Variants in TRIM37 observed in about 807,000 individuals in gnomAD.
The protein encoded by TRIM37 is E3 ubiquitin-protein ligase TRIM37.
TRIM37 carries 80 observed loss-of-function variants against 129.8 expected under a neutral mutation model. That is an observed-to-expected ratio of 0.62 (90% CI 0.51 to 0.74). The LOEUF is 0.74. TRIM37 is among the 30% of genes least tolerant of loss of function. The pLI is 0.00. For missense variants in TRIM37, 1,054 were observed against 1,176.5 expected (o/e 0.90, Z 1.52); for synonymous variants, 389 against 387.1 (o/e 1.00, Z -0.06).
chr17:59,075,404 A>T (rs1239732417), intron 8 of TRIM37, among the ~76,000 whole-genome samples: 2 of 152,042 alleles, frequency 1.3e-5, no homozygotes, highest in African/African-American at 4.8e-5. Flanking sequence ...TCTACTGAAA[A>T]TACAAAAAAA....
intron 9 of TRIM37, among the ~76,000 whole-genome samples, chr17:59,069,715 C>A (rs1402837409): frequency 5.3e-5 from 8 of 152,114 alleles, no homozygotes; most frequent in Non-Finnish European, 1.0e-4. Context: ...ATGTTAAAGC[C>A]CTAACCCCCA....
rs2046021073 is a variant in TRIM37, at chr17:59,106,544, T to C, written c.-83A>G. Reference sequence around the variant, plus strand: ...TAGGCGCCGGCCCGAGGTCGCCAGATCAAATCGCCGATAAAAGCCCGGCGC... The same window carrying C: ...TAGGCGCCGGCCCGAGGTCGCCAGACCAAATCGCCGATAAAAGCCCGGCGC... On this transcript the variant is annotated 5_prime_UTR_variant, in exon 1 of 24. Coordinates refer to ENST00000262294, the MANE Select transcript of TRIM37 (RefSeq NM_015294.6). The C allele has an allele frequency of 6.4e-7, 1 of 1,560,726 alleles. No individual in the cohort carries two copies. The highest frequency in any genetic ancestry group is 8.8e-7 in the Non-Finnish European group (1 of 1,141,022).
At chr17:59,094,453 T>C (rs2044674393) in intron 2 of TRIM37, among the ~76,000 whole-genome samples, 1 of 152,234 alleles carries the variant, frequency 6.6e-6, no homozygotes, top group East Asian at 1.9e-4. Flanking sequence ...GATCTGTGTC[T>C]GATTCCCAGC....
At chr17:59,074,170 T>C (rs1018159087) in intron 8 of TRIM37, among the ~76,000 whole-genome samples, 3 of 152,264 alleles carry the variant, frequency 2.0e-5, no homozygotes, top group Admixed American at 2.0e-4. Flanking sequence ...ATGATGTCAT[T>C]AGACATCACT....
At chr17:58,991,036 G>T (rs912718407) in intron 24 of TRIM37, among the ~76,000 whole-genome samples, 2 of 150,896 alleles carry the variant, frequency 1.3e-5, no homozygotes, top group East Asian at 3.9e-4. Context: ...TGAGCTAGGT[G>T]TGGTGGCGCA....
intron 13 of TRIM37, among the ~76,000 whole-genome samples, chr17:59,053,746 T>C (rs998953830): frequency 7.2e-5 from 11 of 152,190 alleles, no homozygotes; most frequent in African/African-American, 2.4e-4. Flanking sequence ...TCTTGGTGAA[T>C]AGTTAAACCC....
intron 18 of TRIM37, 48 bp from the exon 19 acceptor site, chr17:59,028,771 GA>G (rs761939659): frequency 6.3e-7 from 1 of 1,593,624 alleles, no homozygotes; most frequent in South Asian, 1.1e-5. Flanking sequence ...TAATATTAAT[GA>G]AATCATTTGT....
chr17:59,056,826 A>C, intron 13 of TRIM37, 49 bp downstream of exon 13: 1 of 1,362,928 alleles, frequency 7.3e-7, no homozygotes, highest in Non-Finnish European at 1.0e-6. Context: ...AGTTCTGATG[A>C]TATTATTTCC....
the TRIM37 span, among the ~76,000 whole-genome samples, chr17:58,971,350 G>A: frequency 3.3e-5 from 5 of 152,096 alleles, no homozygotes; most frequent in South Asian, 2.1e-4. Flanking sequence ...CACCCCTGAC[G>A]CATTGGTTCT....
At chr17:58,971,636 T>G in the TRIM37 span, among the ~76,000 whole-genome samples, 3 of 152,184 alleles carry the variant, frequency 2.0e-5, no homozygotes, top group South Asian at 2.1e-4. Context: ...TTCCAGAGAT[T>G]AGAGCATCTG....
chr17:59,076,935 T>C (rs1252196689), intron 7 of TRIM37, among the ~76,000 whole-genome samples: 1 of 151,938 alleles, frequency 6.6e-6, no homozygotes, highest in African/African-American at 2.4e-5. Context: ...ATTACAGGCA[T>C]GTGCCACCAT....
chr17:59,032,498 G>A (rs2037979162), intron 17 of TRIM37, among the ~76,000 whole-genome samples: 1 of 135,814 alleles, frequency 7.4e-6, no homozygotes, highest in Non-Finnish European at 1.5e-5. Context: ...GCAGTCCGCA[G>A]TCCGGCCTGG....
chr17:59,023,516 G>A (rs768442743), intron 19 of TRIM37, among the ~76,000 whole-genome samples: 15 of 152,110 alleles, frequency 9.9e-5, no homozygotes, highest in African/African-American at 1.7e-4. Flanking sequence ...TTAGCCAGGC[G>A]TGGTGGCAGG....
intron 23 of TRIM37, among the ~76,000 whole-genome samples, chr17:59,000,507 G>C (rs988738756): frequency 2.0e-5 from 3 of 152,024 alleles, no homozygotes; most frequent in African/African-American, 4.8e-5. Flanking sequence ...AGGCTGAGGT[G>C]GGAGAATTGC....
chr17:59,030,837 A>G (rs2145585090), intron 18 of TRIM37, among the ~76,000 whole-genome samples: 1 of 152,340 alleles, frequency 6.6e-6, no homozygotes, highest in Middle Eastern at 3.4e-3. Context: ...AACTACTACA[A>G]AATTGTCCTT....
rs764936511 is a variant in TRIM37 at position 59,081,949 on chromosome 17, A to AT, written c.370-731_370-730insA. The stretch of plus-strand genomic sequence containing the variant: ...TAATAATAAAAACCAAAAAAAAAAA[A>AT]AAATAAAAAAAAAAAAATAATAATA... On this transcript the variant is annotated intron_variant, in intron 5 of 23. Coordinates refer to ENST00000262294, the MANE Select transcript of TRIM37 (RefSeq NM_015294.6). 2.6e-5 allele frequency among the ~76,000 whole-genome samples: 3 copies of AT among 117,090 alleles called. 1 individual carries two copies. The highest frequency in any genetic ancestry group is 8.8e-5 in the Admixed American group (1 of 11,338). The allele number at this position is 117,090 out of a possible 152,430, so 76.8% of individuals were successfully genotyped here.
In TRIM37 at chr17:59,064,785, C is replaced by A. The variant is rs184991343; in HGVS notation, c.810-380G>T. ...AATTACCCAGATGTGGTGGTGTGCA[C>A]CTGCAATCCCAGCTACTTGGGAGGC... is the stretch of plus-strand genomic sequence containing the variant. On this transcript the variant is annotated intron_variant, in intron 9 of 23. Coordinates refer to ENST00000262294, the MANE Select transcript of TRIM37 (RefSeq NM_015294.6). Among the ~76,000 whole-genome samples, 360 of 152,250 alleles carry A rather than the reference C, an allele frequency of 2.4e-3. 4 individuals carry two copies. Among genetic ancestry groups the A allele is most frequent in the African/African-American group, 8.3e-3 (344 of 41,554 alleles).
At chr17:58,977,963 G>A (rs545951573), downstream of TRIM37, among the ~76,000 whole-genome samples, 8 of 152,244 alleles carry the variant, frequency 5.3e-5, no homozygotes, top group South Asian at 4.1e-4. Flanking sequence ...GGCTGGCTTC[G>A]TACTCCCGAC....
intron 12 of TRIM37, among the ~76,000 whole-genome samples, chr17:59,058,516 G>C (rs141066455): frequency 3.9e-5 from 6 of 151,968 alleles, no homozygotes; most frequent in African/African-American, 1.5e-4. Flanking sequence ...ACCTTCATAC[G>C]TAACACCAAA....
Sources: gnomAD v4.1 joint callset for allele counts (sites outside exome capture counted in the v4.1 genomes callset) on GRCh38, gnomAD v4.1.1 for gene constraint, MANE v1.5 for transcripts, NCBI Gene and HGNC (gene_info 2026-07-23, HGNC 2026-07-21) for gene names.